Variants in LDLRAD2 observed in about 807,000 individuals in gnomAD.
The protein encoded by LDLRAD2 is low-density lipoprotein receptor class A domain-containing protein 2.
LDLRAD2 carries 25 observed loss-of-function variants against 24.9 expected under a neutral mutation model. The ratio of observed to expected loss-of-function variants is 1.00; its 90% CI spans 0.73 to 1.40. The LOEUF (loss-of-function observed/expected upper bound fraction) is 1.40, where lower values mean the gene tolerates loss of function less well. Among genes scored for constraint, LDLRAD2 ranks in the 40% most tolerant of loss-of-function variants. LDLRAD2 has a pLI of 0.00. For synonymous variants in LDLRAD2, 182 were observed against 166.7 expected (o/e 1.09, Z -0.71); for missense variants, 391 against 366.2 (o/e 1.07, Z -0.55).
chr1:21,820,426 G>A (rs2097949331), intron 3 of LDLRAD2, among the ~76,000 whole-genome samples: 1 of 151,630 alleles, frequency 6.6e-6, no homozygotes, highest in Non-Finnish European at 1.5e-5. Flanking sequence ...GGGAGGCTGA[G>A]GCAGGAGAAT....
At position 21,824,321 on chromosome 1, in the gene LDLRAD2, C is replaced by T. The variant is rs766278882; in HGVS notation, c.*2106C>T. 6.2e-6 allele frequency: 10 copies of T among 1,613,768 alleles called. No individual in the cohort carries two copies. The highest frequency in any genetic ancestry group is 3.3e-5 in the Admixed American group (2 of 60,014). The stretch of plus-strand genomic sequence containing the variant: ...CAGGACCTACCTGAAGACAAGGTGC[C>T]CGTCTTGAAGCCCGAGGCTGATGAA... On this transcript the variant is annotated 3_prime_UTR_variant, in exon 5 of 5. Transcript: ENST00000344642. The surrounding 1 kb of genome is among the most constrained non-coding windows in gnomAD (Gnocchi z 5.9).
chr1:21,820,244 A>G (rs868506408), intron 3 of LDLRAD2, among the ~76,000 whole-genome samples: 2 of 152,356 alleles, frequency 1.3e-5, no homozygotes, highest in Middle Eastern at 6.8e-3. Flanking sequence ...CAGTAAGAAA[A>G]GCGGCAGCCC....
At chr1:21,812,842 T>G (rs1424342354) in intron 1 of LDLRAD2, among the ~76,000 whole-genome samples, 1 of 152,180 alleles carries the variant, frequency 6.6e-6, no homozygotes, top group African/African-American at 2.4e-5. Context: ...ACTCTGCCAC[T>G]TCTTATGTTT....
At chr1:21,819,328 G>A (rs1188846219) in intron 3 of LDLRAD2, among the ~76,000 whole-genome samples, 5 of 151,690 alleles carry the variant, frequency 3.3e-5, no homozygotes, top group African/African-American at 7.3e-5. Context: ...AGCCGAGATC[G>A]CACGGTTGCA....
chr1:21,815,854 C>T, intron 2 of LDLRAD2, 89 bp from the exon 3 acceptor site: 1 of 1,520,972 alleles, frequency 6.6e-7, no homozygotes, highest in South Asian at 1.2e-5. Flanking sequence ...CTGCCCACAC[C>T]CCCACACTGT....
At chr1:21,813,314 G>A (rs1389994740) in intron 1 of LDLRAD2, among the ~76,000 whole-genome samples, 2 of 150,690 alleles carry the variant, frequency 1.3e-5, no homozygotes, top group African/African-American at 4.9e-5. Context: ...AAAAAAAAAA[G>A]GGTGCCCAAT....
chr1:21,814,594 G>C lies in LDLRAD2; in HGVS notation c.282G>C (p.Pro94=), dbSNP rs1158499638. The C allele has an allele frequency of 6.2e-7, 1 of 1,611,510 alleles. No individual in the cohort carries two copies. ...FLVYSLTPAP[P]ALNTSSPAPA... is the part of the protein sequence containing the mutation. ...TCTACAGCCTGACCCCCGCGCCCCC[G>C]GCGCTCAACACCTCCTCCCCGGCCC... The change falls in exon 2 of 5, where the codon CCG becomes CCC. Residue 94 remains proline, a synonymous_variant. Transcript: ENST00000344642.
chr1:21,816,743 C>T (rs1364409617), intron 3 of LDLRAD2, among the ~76,000 whole-genome samples: 1 of 152,140 alleles, frequency 6.6e-6, no homozygotes, highest in Non-Finnish European at 1.5e-5. Flanking sequence ...GAACCCCACA[C>T]ACTTACCTTC....
chr1:21,823,365 A>G lies in LDLRAD2; in HGVS notation c.*1150A>G. On this transcript the variant is annotated 3_prime_UTR_variant, in exon 5 of 5. Coordinates refer to ENST00000344642, the MANE Select transcript of LDLRAD2 (RefSeq NM_001013693.3). ...GGCCCCGGCCTGGGCGCGGTGCTGCAGGTCCAGGGGCTGTGGGGGCGGGGC... is the reference window on the plus strand; with the variant it reads ...GGCCCCGGCCTGGGCGCGGTGCTGCGGGTCCAGGGGCTGTGGGGGCGGGGC... The G allele has an allele frequency of 1.3e-5, 20 of 1,548,676 alleles. No individual in the cohort carries two copies. The highest frequency in any genetic ancestry group is 1.7e-5 in the Non-Finnish European group (20 of 1,151,074).
At chr1:21,813,409 A>G (rs557116041) in intron 1 of LDLRAD2, among the ~76,000 whole-genome samples, 1 of 152,312 alleles carries the variant, frequency 6.6e-6, no homozygotes, top group East Asian at 1.9e-4. Context: ...AATATTGGAA[A>G]GTGCTCCCAC....
chr1:21,824,671 TAGGCCCATGGGCCCTTCC>T lies in LDLRAD2; in HGVS notation c.*2458_*2475del, dbSNP rs1479725788. On this transcript the variant is annotated 3_prime_UTR_variant, in exon 5 of 5. Transcript: ENST00000344642. This position sits in a 1 kb window ranked among gnomAD's most constrained non-coding sequence, Gnocchi z 5.9. The stretch of plus-strand genomic sequence containing the variant: ...AGTCCCAGATTCCCATCCTCCCCAT[TAGGCCCATGGGCCCTTCC>T]AATGCCAGTCTCACCTCCTGGAGAA... 2 of 1,612,714 alleles carry T rather than the reference TAGGCCCATGGGCCCTTCC, an allele frequency of 1.2e-6. No individual in the cohort carries two copies. Among genetic ancestry groups the T allele is most frequent in the Non-Finnish European group, 1.7e-6 (2 of 1,179,284 alleles).
intron 2 of LDLRAD2, 124 bp from the exon 3 acceptor site, chr1:21,815,819 C>A: frequency 8.9e-7 from 1 of 1,120,788 alleles, no homozygotes; most frequent in South Asian, 1.5e-5. Flanking sequence ...ATGTTCTCAT[C>A]TGCATGCATG....
rs1055681865 is a variant in LDLRAD2 at position 21,812,374 on chromosome 1, C to T, written c.-78C>T. 2.6e-6 allele frequency: 3 copies of T among 1,171,824 alleles called. No individual in the cohort carries two copies. The highest frequency in any genetic ancestry group is 3.8e-6 in the Non-Finnish European group (3 of 788,388). The allele number at this position is 1,171,824 out of a possible 1,614,324, so 72.6% of individuals were successfully genotyped here. Reference sequence around the variant, plus strand: ...GCCTCCCTGCTGGCCTGACCAGGCCCCATACTCCAGTCTCCCCAGAGACCC... The same window carrying T: ...GCCTCCCTGCTGGCCTGACCAGGCCTCATACTCCAGTCTCCCCAGAGACCC... On this transcript the variant is annotated 5_prime_UTR_variant, in exon 1 of 5. Coordinates refer to ENST00000344642, the MANE Select transcript of LDLRAD2 (RefSeq NM_001013693.3).
In LDLRAD2 at chr1:21,823,875, C is replaced by A. The variant is rs2097959833; in HGVS notation, c.*1660C>A. 1 of 747,520 alleles carries A rather than the reference C, an allele frequency of 1.3e-6. No homozygotes were observed. Among genetic ancestry groups the A allele is most frequent in the South Asian group, 1.5e-5 (1 of 65,770 alleles). The allele number at this position is 747,520 out of a possible 1,614,324, so 46.3% of individuals were successfully genotyped here. ...TTCCCCCGCTGAACGAGAGATCGGG[C>A]CCCACAAACACAGCTTCCTCATTTC... On this transcript the variant is annotated 3_prime_UTR_variant, in exon 5 of 5. Coordinates refer to ENST00000344642, the MANE Select transcript of LDLRAD2 (RefSeq NM_001013693.3).
In LDLRAD2 at chr1:21,823,692, G is replaced by A. The variant is rs369664034; in HGVS notation, c.*1477G>A. On this transcript the variant is annotated 3_prime_UTR_variant, in exon 5 of 5. Transcript: ENST00000344642. ...GGCCGCTGACCAGCTCCTCACCGTC[G>A]ACTTGGATGGAACCTCTGCGGCCCT... The A allele has an allele frequency of 1.5e-5, 25 of 1,613,500 alleles. No individual in the cohort carries two copies. The highest frequency in any genetic ancestry group is 1.6e-4 in the Middle Eastern group (1 of 6,084).
Position 21,822,351 on chromosome 1 carries a change from T to C in LDLRAD2, c.*136T>C. 2.4e-6 allele frequency: 2 copies of C among 818,328 alleles called. No homozygotes were observed. The highest frequency in any genetic ancestry group is 3.0e-5 in the South Asian group (2 of 66,922). 50.7% of individuals were successfully genotyped at this position (818,328 alleles called of 1,614,324 possible). A position where few individuals can be genotyped will look rare whatever the true frequency, so the allele number is the denominator to read the frequency against. ...CCCAACCCCACAGTCTGGGGGCCAC[T>C]GGCAGGATGGCACTTGAGCTGGATC... On this transcript the variant is annotated 3_prime_UTR_variant, in exon 5 of 5. Coordinates refer to ENST00000344642, the MANE Select transcript of LDLRAD2 (RefSeq NM_001013693.3).
rs899318018 is a variant in LDLRAD2, at chr1:21,824,943, A to G, written c.*2728A>G. ...GCTGCCAACAGAATTCAGGGAGCCTATGACCTTGGATGGGAAAGCATTACA... is the reference window on the plus strand; with the variant it reads ...GCTGCCAACAGAATTCAGGGAGCCTGTGACCTTGGATGGGAAAGCATTACA... On this transcript the variant is annotated 3_prime_UTR_variant, in exon 5 of 5. Coordinates refer to ENST00000344642, the MANE Select transcript of LDLRAD2 (RefSeq NM_001013693.3). This position sits in a 1 kb window ranked among gnomAD's most constrained non-coding sequence, Gnocchi z 5.9. The G allele has an allele frequency of 1.5e-6, 1 of 680,770 alleles. No individual in the cohort carries two copies. The highest frequency in any genetic ancestry group is 2.7e-6 in the Non-Finnish European group (1 of 371,328). 42.2% of individuals were successfully genotyped at this position (680,770 alleles called of 1,614,324 possible). A position where few individuals can be genotyped will look rare whatever the true frequency, so the allele number is the denominator to read the frequency against.
rs980515107 is a variant in LDLRAD2, at chr1:21,824,043, C to T, written c.*1828C>T. ...TCTCCACAGAGCTCAATACCTGCCT[C>T]TCTGCCCATGGTAGGGGGCGTCCTG... On this transcript the variant is annotated 3_prime_UTR_variant, in exon 5 of 5. Coordinates refer to ENST00000344642, the MANE Select transcript of LDLRAD2 (RefSeq NM_001013693.3). The surrounding 1 kb of genome is among the most constrained non-coding windows in gnomAD (Gnocchi z 5.9). 102 of 1,338,024 alleles carry T rather than the reference C, an allele frequency of 7.6e-5. No individual in the cohort carries two copies. Among genetic ancestry groups the T allele is most frequent in the Non-Finnish European group, 1.1e-4 (100 of 948,942 alleles). The allele number at this position is 1,338,024 out of a possible 1,614,324, so 82.9% of individuals were successfully genotyped here. A position where few individuals can be genotyped will look rare whatever the true frequency, so the allele number is the denominator to read the frequency against.
chr1:21,813,157 T>C (rs2097940234), intron 1 of LDLRAD2, among the ~76,000 whole-genome samples: 1 of 152,142 alleles, frequency 6.6e-6, no homozygotes. Flanking sequence ...TAGCTGGGCA[T>C]GGTGGCATGT....
Sources: allele counts gnomAD v4.1 joint callset (sites outside exome capture counted in the v4.1 genomes callset), GRCh38; gene constraint gnomAD v4.1.1; non-coding constraint Gnocchi (gnomAD v3.1); transcripts MANE v1.5; gene names NCBI Gene and HGNC (gene_info 2026-07-23, HGNC 2026-07-21).